The following HNRNPH2 variants were observed in gnomAD, a reference collection of about 807,000 sequenced individuals.
HNRNPH2 encodes FTP-3.
For synonymous variants in HNRNPH2, 128 were observed against 128.2 expected (o/e 1.00, Z 0.01); for missense variants, 115 against 352.9 (o/e 0.33, Z 5.40).
rs1928869457 is a variant in HNRNPH2, at chrX:101,413,465, A to G, written c.*127A>G. On this transcript the variant is annotated 3_prime_UTR_variant, in exon 2 of 2. Transcript: ENST00000316594. ...TAAATGGGAAATATAATTGATTCTG[A>G]TCACTCTTGGTCAGCTTCTCTTTCT... The G allele has an allele frequency of 9.0e-6, 5 of 557,495 alleles. No homozygotes were observed. The East Asian group carries it at 1.7e-4, about 19-fold the overall frequency. The allele number at this position is 557,495 out of a possible 1,213,427, so 45.9% of individuals were successfully genotyped here. A position where few individuals can be genotyped will look rare whatever the true frequency, so the allele number is the denominator to read the frequency against.
intron 1 of HNRNPH2, among the ~76,000 whole-genome samples, chrX:101,409,491 GTAAT>G (rs1460568989): frequency 4.5e-5 from 5 of 112,045 alleles, no homozygotes; most frequent in Non-Finnish European, 9.4e-5. Context: ...TGAAGTAAAA[GTAAT>G]TATTTCTGTA....
chrX:101,413,450 A>G lies in HNRNPH2; in HGVS notation c.*112A>G. ...ATCCAGTATGATTGGTAAATGGGAA[A>G]TATAATTGATTCTGATCACTCTTGG... is the stretch of plus-strand genomic sequence containing the variant. On this transcript the variant is annotated 3_prime_UTR_variant, in exon 2 of 2. Coordinates refer to ENST00000316594, the MANE Select transcript of HNRNPH2 (RefSeq NM_019597.5). 1 of 602,848 alleles carries G rather than the reference A, an allele frequency of 1.7e-6. No individual in the cohort carries two copies. 49.7% of individuals were successfully genotyped at this position (602,848 alleles called of 1,213,427 possible).
At chrX:101,411,655 T>TA (rs1302310522) in intron 1 of HNRNPH2, among the ~76,000 whole-genome samples, 2 of 110,276 alleles carry the variant, frequency 1.8e-5, no homozygotes, top group African/African-American at 3.3e-5. Context: ...CCTCAGGTGA[T>TA]ACACCCACCT....
chrX:101,411,944 A>C lies in HNRNPH2; in HGVS notation c.-45A>C. ...CTTTTTTTTTTTTTCAGCTACACCA[A>C]AATTGCATTGAGCCAAACTTGCCAC... On this transcript the variant is annotated 5_prime_UTR_variant, in exon 2 of 2. Transcript: ENST00000316594. 8.7e-7 allele frequency: 1 copy of C among 1,146,664 alleles called. No homozygotes were observed. Among genetic ancestry groups the C allele is most frequent in the Non-Finnish European group, 1.2e-6 (1 of 866,954 alleles). The allele number at this position is 1,146,664 out of a possible 1,213,427, so 94.5% of individuals were successfully genotyped here.
rs782217184 is a variant in HNRNPH2 at position 101,411,978 on chromosome X, C to T, written c.-11C>T. ...TGAGCCAAACTTGCCACCAAGAGCC[C>T]AACAATCACCATGATGCTGAGCACG... On this transcript the variant is annotated 5_prime_UTR_variant, in exon 2 of 2. Coordinates refer to ENST00000316594, the MANE Select transcript of HNRNPH2 (RefSeq NM_019597.5). 5 of 1,186,590 alleles carry T rather than the reference C, an allele frequency of 4.2e-6. No homozygotes were observed. The Admixed American group carries it at 9.9e-5, about 23-fold the overall frequency.
In HNRNPH2 at chrX:101,413,943, A is replaced by G. The variant is rs1603053430; in HGVS notation, c.*605A>G. 2.6e-5 allele frequency: 3 copies of G among 116,961 alleles called. No homozygotes were observed. The highest frequency in any genetic ancestry group is 3.9e-4 in the South Asian group (1 of 2,573). 9.6% of individuals were successfully genotyped at this position (116,961 alleles called of 1,213,427 possible). ...TATCCTGTAAGGCACGTGAGTGTAC[A>G]CTTTTTTTTTTTTTAAGGATACGGG... On this transcript the variant is annotated 3_prime_UTR_variant, in exon 2 of 2. Coordinates refer to ENST00000316594, the MANE Select transcript of HNRNPH2 (RefSeq NM_019597.5).
At position 101,412,237 on chromosome X, in the gene HNRNPH2, T is replaced by G. The variant is rs1555988349; in HGVS notation, c.249T>G (p.Val83=). 8.3e-7 allele frequency: 1 copy of G among 1,211,943 alleles called. No homozygotes were observed. The highest frequency in any genetic ancestry group is 1.1e-6 in the Non-Finnish European group (1 of 895,512). ...KDRETMGHRY[V]EVFKSNSVEM... ...GAGAAACCATGGGACACAGATACGT[T>G]GAAGTATTCAAGTCTAACAGTGTTG... The change falls in exon 2 of 2, where the codon GTT becomes GTG. Residue 83 remains valine (V), a synonymous_variant. Coordinates refer to ENST00000316594, the MANE Select transcript of HNRNPH2 (RefSeq NM_019597.5).
chrX:101,408,992 A>G (rs1928672789), intron 1 of HNRNPH2, among the ~76,000 whole-genome samples: 1 of 111,171 alleles, frequency 9.0e-6, no homozygotes, highest in Non-Finnish European at 1.9e-5. Flanking sequence ...TTAACTCACA[A>G]AGAGTCCTGG....
chrX:101,409,277 A>C (rs936043086), intron 1 of HNRNPH2, among the ~76,000 whole-genome samples: 8 of 112,772 alleles, frequency 7.1e-5, no homozygotes, highest in Admixed American at 1.9e-4. Context: ...CATAATCGGC[A>C]ATCAGTAAAT....
rs1401179665 is a variant in HNRNPH2 at position 101,408,307 on chromosome X, G to A, written c.-66G>A. On this transcript the variant is annotated 5_prime_UTR_variant, in exon 1 of 2. Coordinates refer to ENST00000316594, the MANE Select transcript of HNRNPH2 (RefSeq NM_019597.5). ...GAGGGAAGAAGGAGGAAAATTACCCGGTATCGTTAGAGGTTGGTGTGTGGG... is the reference window on the plus strand; with the variant it reads ...GAGGGAAGAAGGAGGAAAATTACCCAGTATCGTTAGAGGTTGGTGTGTGGG... The A allele has an allele frequency of 4.1e-6, 1 of 243,994 alleles. No homozygotes were observed. The highest frequency in any genetic ancestry group is 7.6e-6 in the Non-Finnish European group (1 of 132,442). The allele number at this position is 243,994 out of a possible 1,213,427, so 20.1% of individuals were successfully genotyped here. A position where few individuals can be genotyped will look rare whatever the true frequency, so the allele number is the denominator to read the frequency against.
At chrX:101,410,950 C>T (rs1339973920) in intron 1 of HNRNPH2, among the ~76,000 whole-genome samples, 1 of 111,707 alleles carries the variant, frequency 9.0e-6, no homozygotes, top group African/African-American at 3.3e-5. Flanking sequence ...TGGCCTCCAA[C>T]CAATAGAACT....
Position 101,408,285 on chromosome X carries a change from G to A in HNRNPH2, c.-88G>A, listed in dbSNP as rs782251858. On this transcript the variant is annotated 5_prime_UTR_variant, in exon 1 of 2. Transcript: ENST00000316594. ...TACCGTCTCGCTATAGCCGTTTGAGGGAAGAAGGAGGAAAATTACCCGGTA... is the reference window on the plus strand; with the variant it reads ...TACCGTCTCGCTATAGCCGTTTGAGAGAAGAAGGAGGAAAATTACCCGGTA... 1 of 255,039 alleles carries A rather than the reference G, an allele frequency of 3.9e-6. No individual in the cohort carries two copies. The highest frequency in any genetic ancestry group is 4.5e-5 in the South Asian group (1 of 22,454). The allele number at this position is 255,039 out of a possible 1,213,427, so 21.0% of individuals were successfully genotyped here.
rs1928847525 is a variant in HNRNPH2, at chrX:101,412,747, T to C, written c.759T>C (p.Tyr253=). 2.5e-6 allele frequency: 3 copies of C among 1,208,698 alleles called. No homozygotes were observed. The highest frequency in any genetic ancestry group is 3.4e-6 in the Non-Finnish European group (3 of 894,338). The change falls in exon 2 of 2, where the codon TAT becomes TAC. Residue 253 remains tyrosine (Y), a synonymous_variant. Transcript: ENST00000316594. ...ACTATGGTGGCTATAATGATGGATA[T>C]GGCTTTGGGTCTGATAGATTTGGAA... ...YDDYGGYNDG[Y]GFGSDRFGRD...
At chrX:101,408,967 T>A (rs1169812699) in intron 1 of HNRNPH2, among the ~76,000 whole-genome samples, 1 of 111,333 alleles carries the variant, frequency 9.0e-6, no homozygotes, top group African/African-American at 3.3e-5. Flanking sequence ...AACACACATA[T>A]AAATACACAA....
At position 101,413,156 on chromosome X, in the gene HNRNPH2, G is replaced by A. The variant is rs369056849; in HGVS notation, c.1168G>A (p.Gly390Ser). 2.5e-6 allele frequency: 3 copies of A among 1,210,017 alleles called. No individual in the cohort carries two copies. In the African/African-American group the frequency reaches 5.2e-5, roughly 21 times the overall value. ...FLNSTAGASG[G>S]AYGSQMMGGM... ...GAATTCTACAGCAGGGGCAAGTGGTGGCGCTTATGGTAGCCAAATGATGGG... is the reference window on the plus strand; with the variant it reads ...GAATTCTACAGCAGGGGCAAGTGGTAGCGCTTATGGTAGCCAAATGATGGG... Residue 390 changes from glycine to serine, a missense_variant, in exon 2 of 2, where the codon GGC (glycine) becomes AGC (serine). Coordinates refer to ENST00000316594, the MANE Select transcript of HNRNPH2 (RefSeq NM_019597.5).
intron 1 of HNRNPH2, among the ~76,000 whole-genome samples, chrX:101,411,714 C>T (rs947116590): frequency 9.0e-6 from 1 of 110,527 alleles, no homozygotes; most frequent in Non-Finnish European, 1.9e-5. Flanking sequence ...CGCACCCGGC[C>T]GATTGCTGTT....
chrX:101,412,630 G>A lies in HNRNPH2; in HGVS notation c.642G>A (p.Gly214=). Residue 214 remains glycine (G), a synonymous_variant, in exon 2 of 2, where the codon GGG becomes GGA. Transcript: ENST00000316594. ...GGCCAGGTCCCTATGATAGGCCGGG[G>A]GCTGGCAGAGGGTATAATAGCATTG... The part of the protein sequence containing the change: ...MQRPGPYDRP[G]AGRGYNSIGR... 1 of 1,211,268 alleles carries A rather than the reference G, an allele frequency of 8.3e-7. No individual in the cohort carries two copies. The highest frequency in any genetic ancestry group is 1.8e-5 in the South Asian group (1 of 56,989).
intron 1 of HNRNPH2, among the ~76,000 whole-genome samples, chrX:101,411,245 A>G (rs1412198356): frequency 2.7e-5 from 3 of 110,229 alleles, no homozygotes; most frequent in African/African-American, 9.9e-5. Context: ...ATACATTTTT[A>G]TATAATGAAG....
chrX:101,412,775 G>T lies in HNRNPH2; in HGVS notation c.787G>T (p.Asp263Tyr). 8.3e-7 allele frequency: 1 copy of T among 1,209,773 alleles called. No homozygotes were observed. Among genetic ancestry groups the T allele is most frequent in the Non-Finnish European group, 1.1e-6 (1 of 893,735 alleles). The change falls in exon 2 of 2, where the codon GAC becomes TAC. Residue 263 changes from aspartate (D) to tyrosine (Y), a missense_variant. Coordinates refer to ENST00000316594, the MANE Select transcript of HNRNPH2 (RefSeq NM_019597.5). ...CTTTGGGTCTGATAGATTTGGAAGAGACCTCAATTACTGTTTTTCAGGAAT... is the reference window on the plus strand; with the variant it reads ...CTTTGGGTCTGATAGATTTGGAAGATACCTCAATTACTGTTTTTCAGGAAT... Reference protein sequence around the residue: ...YGFGSDRFGRDLNYCFSGMSD... With the variant: ...YGFGSDRFGRYLNYCFSGMSD...
Sources: gnomAD v4.1 joint callset for allele counts (sites outside exome capture counted in the v4.1 genomes callset) on GRCh38, gnomAD v4.1.1 for gene constraint, MANE v1.5 for transcripts, NCBI Gene and HGNC (gene_info 2026-07-23, HGNC 2026-07-21) for gene names.